The following RPS9 variants were observed in gnomAD, a reference collection of about 807,000 sequenced individuals.
The protein encoded by RPS9 is small ribosomal subunit protein uS4.
RPS9 carries 1 observed loss-of-function variant against 16.9 expected under a neutral mutation model. The observed-to-expected ratio is 0.06, with a 90% CI of 0.02 to 0.28. The LOEUF (loss-of-function observed/expected upper bound fraction) is 0.28, where lower values mean the gene tolerates loss of function less well. RPS9 is among the 10% of genes least tolerant of loss of function. The pLI is 1.00. For missense variants in RPS9, 137 were observed against 273.2 expected (o/e 0.50, Z 3.51); for synonymous variants, 106 against 110.9 (o/e 0.96, Z 0.28).
At position 54,200,913 on chromosome 19, in the gene RPS9, C is replaced by G. The variant is rs139210154; in HGVS notation, c.-26+25C>G. ...GGTGAGGTGCGGTGGTGTGCTTTTT[C>G]TCTAGGGTTTGGGTTGGATGGTGGC... On this transcript the variant is annotated intron_variant, in intron 1 of 4. Transcript: ENST00000302907. The G allele has an allele frequency of 2.4e-3, 2,867 of 1,195,784 alleles. 8 individuals carry two copies. The highest frequency in any genetic ancestry group is 2.8e-3 in the South Asian group (160 of 56,706). 74.1% of individuals were successfully genotyped at this position (1,195,784 alleles called of 1,614,324 possible). A position where few individuals can be genotyped will look rare whatever the true frequency, so the allele number is the denominator to read the frequency against.
At chr19:54,202,221 A>G (rs1271473522) in intron 3 of RPS9, among the ~76,000 whole-genome samples, 16 of 151,912 alleles carry the variant, frequency 1.1e-4, no homozygotes, top group South Asian at 2.2e-4. Flanking sequence ...GTCTCGCTCC[A>G]TTGCCCATGC....
At chr19:54,206,887 TGAG>T in intron 4 of RPS9, 1 of 605,366 alleles carries the variant, frequency 1.7e-6, no homozygotes, top group Non-Finnish European at 2.8e-6. Flanking sequence ...GTGGCACCAT[TGAG>T]GGGGAGGAGC....
At chr19:54,201,348 GC>G in intron 2 of RPS9, 67 bp downstream of exon 2, 3 of 1,612,314 alleles carry the variant, frequency 1.9e-6, no homozygotes, top group Non-Finnish European at 1.7e-6. Context: ...GGATGAAGGT[GC>G]CCATGTACTC....
At chr19:54,201,858 G>A (rs891112692) in intron 3 of RPS9, 5 of 696,844 alleles carry the variant, frequency 7.2e-6, no homozygotes, top group East Asian at 2.9e-5. Context: ...GCTAAAGATA[G>A]GCCTGGCACA....
chr19:54,201,422 G>A, intron 2 of RPS9, 65 bp from the exon 3 acceptor site: 1 of 1,609,660 alleles, frequency 6.2e-7, no homozygotes, highest in Non-Finnish European at 8.5e-7. Context: ...TGATTCCAAA[G>A]CTGCCAGTCT....
chr19:54,207,008 CG>C (rs1158471681), intron 4 of RPS9: 3 of 428,848 alleles, frequency 7.0e-6, no homozygotes, highest in African/African-American at 4.0e-5. Context: ...TCGTCGGAGA[CG>C]TAGCCTCGGG....
Position 54,201,667 on chromosome 19 carries a change from C to G in RPS9, c.220+58C>G, listed in dbSNP as rs149572654. 10 of 1,603,946 alleles carry G rather than the reference C, an allele frequency of 6.2e-6. No homozygotes were observed. In the African/African-American group the frequency reaches 9.4e-5, roughly 15 times the overall value. On this transcript the variant is annotated intron_variant, in intron 3 of 4. Coordinates refer to ENST00000302907, the MANE Select transcript of RPS9 (RefSeq NM_001013.4). ...GTGCAGGGCTTGTGAGGTTCATTCT[C>G]CCTTCTGTTGCCTCTGTTCCAGTGA...
intron 3 of RPS9, chr19:54,203,342 G>A (rs2077126023): frequency 1.0e-6 from 1 of 983,480 alleles, no homozygotes; most frequent in Non-Finnish European, 1.2e-6. Context: ...GAGCTTGGAT[G>A]TTTGCTCTTT....
At chr19:54,201,088 G>T (rs897237032) in intron 1 of RPS9, 72 bp from the exon 2 acceptor site, 23 of 1,578,850 alleles carry the variant, frequency 1.5e-5, no homozygotes, top group African/African-American at 5.4e-5. Context: ...GGCTCCGCGA[G>T]GTTTTGGCGT....
intron 3 of RPS9, among the ~76,000 whole-genome samples, chr19:54,205,191 G>C (rs769999116): frequency 6.6e-6 from 1 of 152,100 alleles, no homozygotes; most frequent in Non-Finnish European, 1.5e-5. Context: ...TGCTGAAGGC[G>C]TGTGGGATTA....
rs542560696 is a variant in RPS9 at position 54,206,679 on chromosome 19, G to A, written c.407+217G>A. ...CGCAAGGGTCACTGCGGCTCTAGCC[G>A]TACACCTTGTGAAGGCCTCTGCCAG... On this transcript the variant is annotated intron_variant, in intron 4 of 4. Transcript: ENST00000302907. 3.5e-5 allele frequency: 53 copies of A among 1,535,080 alleles called. No homozygotes were observed. The Admixed American group carries it at 5.2e-4, about 15-fold the overall frequency.
At chr19:54,203,162 T>A in intron 3 of RPS9, 2 of 927,580 alleles carry the variant, frequency 2.2e-6, no homozygotes, top group Non-Finnish European at 2.6e-6. Flanking sequence ...TGGACATAGA[T>A]CCTAATTGCA....
Position 54,206,915 on chromosome 19 carries a change from G to C in RPS9, c.407+453G>C. On this transcript the variant is annotated intron_variant, in intron 4 of 4. Transcript: ENST00000302907. ...GGGGGAGGAGCTGTACAGAAAGAGG[G>C]CAAGATGTTTGCGTTTAGAATCTTC... 3 of 535,448 alleles carry C rather than the reference G, an allele frequency of 5.6e-6. No individual in the cohort carries two copies. The South Asian group carries it at 7.2e-5, about 13-fold the overall frequency. The allele number at this position is 535,448 out of a possible 1,614,324, so 33.2% of individuals were successfully genotyped here.
chr19:54,205,107 A>G (rs1053057019), intron 3 of RPS9, among the ~76,000 whole-genome samples: 1 of 152,208 alleles, frequency 6.6e-6, no homozygotes, highest in African/African-American at 2.4e-5. Flanking sequence ...GTAACTAGTA[A>G]GAGCCACTTT....
At chr19:54,203,006 C>T in intron 3 of RPS9, 14 of 983,856 alleles carry the variant, frequency 1.4e-5, no homozygotes, top group Non-Finnish European at 1.7e-5. Flanking sequence ...CCCTTTCATT[C>T]TTTTCGTCAA....
rs2147126791 is a variant in RPS9, at chr19:54,200,921, T to G, written c.-26+33T>G. ...GCGGTGGTGTGCTTTTTCTCTAGGG[T>G]TTGGGTTGGATGGTGGCCCGGGCCT... On this transcript the variant is annotated intron_variant, in intron 1 of 4. Coordinates refer to ENST00000302907, the MANE Select transcript of RPS9 (RefSeq NM_001013.4). 19 of 1,215,870 alleles carry G rather than the reference T, an allele frequency of 1.6e-5. No individual in the cohort carries two copies. The East Asian group carries it at 1.9e-4, about 12-fold the overall frequency. The allele number at this position is 1,215,870 out of a possible 1,614,324, so 75.3% of individuals were successfully genotyped here. A position where few individuals can be genotyped will look rare whatever the true frequency, so the allele number is the denominator to read the frequency against.
At chr19:54,201,851 A>G (rs962600954) in intron 3 of RPS9, 18 of 765,618 alleles carry the variant, frequency 2.4e-5, no homozygotes, top group Non-Finnish European at 3.0e-5. Flanking sequence ...GACCAGAGCT[A>G]AAGATAGGCC....
At chr19:54,202,672 T>G (rs1182029926) in intron 3 of RPS9, 1 of 985,440 alleles carries the variant, frequency 1.0e-6, no homozygotes, top group East Asian at 1.1e-4. Flanking sequence ...TGACCAAGAT[T>G]GGCATTTGTA....
rs1568885770 is a variant in RPS9 at position 54,201,468 on chromosome 19, A to G, written c.98-19A>G. The G allele has an allele frequency of 2.5e-6, 4 of 1,613,430 alleles. No individual in the cohort carries two copies. Among genetic ancestry groups the G allele is most frequent in the African/African-American group, 1.3e-5 (1 of 74,726 alleles). On this transcript the variant is annotated intron_variant, in intron 2 of 4. Coordinates refer to ENST00000302907, the MANE Select transcript of RPS9 (RefSeq NM_001013.4). Reference sequence around the variant, plus strand: ...CCAGTACGTGGGACTACACTTGTCCACCCCCTTCTCCCCACCAGGCGAGTA... The same window carrying G: ...CCAGTACGTGGGACTACACTTGTCCGCCCCCTTCTCCCCACCAGGCGAGTA...
Sources: gnomAD v4.1 joint callset for allele counts (sites outside exome capture counted in the v4.1 genomes callset) on GRCh38, gnomAD v4.1.1 for gene constraint, MANE v1.5 for transcripts, NCBI Gene and HGNC (gene_info 2026-07-23, HGNC 2026-07-21) for gene names.